Variants in PLPPR1 observed in about 807,000 individuals in gnomAD.
The protein encoded by PLPPR1 is phospholipid phosphatase-related protein type 1.
A neutral mutation model predicts 33.1 loss-of-function variants in PLPPR1; 10 were observed. The observed-to-expected ratio is 0.30, with a 90% CI of 0.19 to 0.51. PLPPR1 has a LOEUF of 0.51. Ranked by LOEUF, PLPPR1 falls within the 20% of genes least tolerant of loss-of-function variation. The probability of loss-of-function intolerance (pLI) is 0.97; values close to 1 mark genes in which losing one functional copy is unlikely to be tolerated. For missense variants in PLPPR1, 304 were observed against 408.1 expected (o/e 0.74, Z 2.20); for synonymous variants, 151 against 151.0 (o/e 1.00, Z 0.00).
chr9:101,073,815 C>T (rs1830507440), intron 1 of PLPPR1, among the ~76,000 whole-genome samples: 3 of 152,178 alleles, frequency 2.0e-5, no homozygotes, highest in African/African-American at 7.2e-5. Flanking sequence ...GATTTCCATG[C>T]CTTGGCTCAT....
At chr9:101,207,216 T>TA (rs959636452) in intron 2 of PLPPR1, among the ~76,000 whole-genome samples, 63 of 152,156 alleles carry the variant, frequency 4.1e-4, no homozygotes, top group South Asian at 1.9e-3. Context: ...GATAAACCTT[T>TA]AAAAAAAATC....
chr9:101,173,220 A>G (rs547213667), intron 1 of PLPPR1, among the ~76,000 whole-genome samples: 1 of 152,256 alleles, frequency 6.6e-6, no homozygotes, highest in East Asian at 1.9e-4. Context: ...TTCTCTGCAA[A>G]GGATTATTTT....
intron 1 of PLPPR1, among the ~76,000 whole-genome samples, chr9:101,111,719 A>C (rs1049899654): frequency 1.3e-5 from 2 of 152,202 alleles, no homozygotes; most frequent in African/African-American, 4.8e-5. Context: ...CTAATAGCAC[A>C]GTTGTAAAAA....
intron 2 of PLPPR1, among the ~76,000 whole-genome samples, chr9:101,263,710 C>T (rs1564020572): frequency 6.6e-6 from 1 of 152,168 alleles, no homozygotes; most frequent in Non-Finnish European, 1.5e-5. Flanking sequence ...CCAAGGTTTA[C>T]TCCTGTGAGC....
At chr9:101,033,910 G>C (rs1829978840) in intron 1 of PLPPR1, among the ~76,000 whole-genome samples, 1 of 152,158 alleles carries the variant, frequency 6.6e-6, no homozygotes, top group Admixed American at 6.5e-5. Flanking sequence ...GATTTTAAGT[G>C]AGGGGAGTTT....
intron 1 of PLPPR1, among the ~76,000 whole-genome samples, chr9:101,073,832 G>A (rs538204830): frequency 3.3e-5 from 5 of 152,272 alleles, no homozygotes; most frequent in South Asian, 2.1e-4. Context: ...TCATGTTTGC[G>A]TATCTGCACT....
chr9:101,117,013 C>T (rs543700335), intron 1 of PLPPR1, among the ~76,000 whole-genome samples: 5 of 152,064 alleles, frequency 3.3e-5, no homozygotes, highest in Non-Finnish European at 7.4e-5. Flanking sequence ...GATATCATAT[C>T]ATCGTTCCTA....
intron 7 of PLPPR1, among the ~76,000 whole-genome samples, chr9:101,321,347 A>G (rs533365644): frequency 2.0e-5 from 3 of 152,178 alleles, no homozygotes; most frequent in Admixed American, 1.3e-4. Context: ...TCTCTAAAAC[A>G]TTACCTCAAA....
chr9:101,162,396 A>G (rs1044724453), intron 1 of PLPPR1, among the ~76,000 whole-genome samples: 3 of 152,178 alleles, frequency 2.0e-5, no homozygotes, highest in Non-Finnish European at 4.4e-5. Flanking sequence ...GGCCCTAAAT[A>G]AATGCTTTGG....
chr9:101,160,273 C>T (rs1831755553), intron 1 of PLPPR1, among the ~76,000 whole-genome samples: 1 of 152,142 alleles, frequency 6.6e-6, no homozygotes, highest in Non-Finnish European at 1.5e-5. Context: ...CTGAACAGGT[C>T]ACTTAGCCTT....
chr9:101,237,567 A>G (rs1289310740), intron 2 of PLPPR1, among the ~76,000 whole-genome samples: 13 of 150,164 alleles, frequency 8.7e-5, no homozygotes, highest in African/African-American at 3.2e-4. Context: ...ATATATACAT[A>G]TAGGCTATAT....
chr9:101,032,125 G>C (rs959662594), intron 1 of PLPPR1, among the ~76,000 whole-genome samples: 1 of 152,142 alleles, frequency 6.6e-6, no homozygotes, highest in Non-Finnish European at 1.5e-5. Flanking sequence ...GACAGATATG[G>C]GTTCTTAGCT....
At chr9:101,264,937 T>A (rs1273183879) in intron 2 of PLPPR1, among the ~76,000 whole-genome samples, 6 of 152,162 alleles carry the variant, frequency 3.9e-5, no homozygotes, top group Non-Finnish European at 2.9e-5. Flanking sequence ...AACTCTTGCC[T>A]CTGTCCTACT....
At chr9:101,238,861 A>G (rs568219106) in intron 2 of PLPPR1, among the ~76,000 whole-genome samples, 1 of 151,868 alleles carries the variant, frequency 6.6e-6, no homozygotes, top group East Asian at 1.9e-4. Flanking sequence ...GTAGCTTTCT[A>G]TTCATTAACC....
rs371465083 is a variant in PLPPR1, at chr9:101,286,109, T to C, written c.258T>C (p.Phe86=). The change falls in exon 4 of 8, where the codon TTT becomes TTC. Residue 86 remains phenylalanine, a synonymous_variant. Transcript: ENST00000374874. ...VLAATPTAII[F]IGEISMYFIK... ...CTTAAACATTCCTTCCCTAGATTTT[T>C]ATTGGTGAGATATCCATGTATTTCA... 1.1e-5 allele frequency: 17 copies of C among 1,612,162 alleles called. No homozygotes were observed. The highest frequency in any genetic ancestry group is 1.4e-5 in the Non-Finnish European group (17 of 1,178,670).
intron 2 of PLPPR1, among the ~76,000 whole-genome samples, chr9:101,197,540 G>T (rs1421232016): frequency 1.3e-5 from 2 of 152,148 alleles, no homozygotes; most frequent in African/African-American, 2.4e-5. Context: ...AATAGATATT[G>T]CAGGCTCCAA....
At chr9:101,239,110 T>C (rs1827397809) in intron 2 of PLPPR1, among the ~76,000 whole-genome samples, 1 of 151,714 alleles carries the variant, frequency 6.6e-6, no homozygotes, top group Non-Finnish European at 1.5e-5. Flanking sequence ...ATATTTTCTT[T>C]ATGCATTTAT....
At chr9:101,042,248 C>T (rs1224095601) in intron 1 of PLPPR1, among the ~76,000 whole-genome samples, 1 of 152,158 alleles carries the variant, frequency 6.6e-6, no homozygotes, top group African/African-American at 2.4e-5. Context: ...AGCCTTCATC[C>T]AAGAGTGAAA....
intron 4 of PLPPR1, among the ~76,000 whole-genome samples, chr9:101,308,622 CCAATT>C (rs1319769780): frequency 4.6e-5 from 7 of 152,138 alleles, no homozygotes; most frequent in Non-Finnish European, 7.3e-5. Flanking sequence ...AAATGAAACT[CCAATT>C]CAAGCAAAGT....
Sources: allele counts gnomAD v4.1 joint callset (sites outside exome capture counted in the v4.1 genomes callset), GRCh38; gene constraint gnomAD v4.1.1; transcripts MANE v1.5; gene names NCBI Gene and HGNC (gene_info 2026-07-23, HGNC 2026-07-21).